NELL1: variants seen among roughly 807,000 people sequenced by gnomAD.
NELL1 encodes neural EGFL like 1.
A neutral mutation model predicts 107.4 loss-of-function variants in NELL1; 76 were observed. The ratio of observed to expected loss-of-function variants is 0.71; its 90% confidence interval spans 0.59 to 0.86. The LOEUF (loss-of-function observed/expected upper bound fraction) is 0.86, where lower values mean the gene tolerates loss of function less well. NELL1 is among the 40% of genes least tolerant of loss of function. The pLI is 0.00. For synonymous variants in NELL1, 353 were observed against 341.2 expected (o/e 1.03, Z -0.38); for missense variants, 1,024 against 1,005.5 (o/e 1.02, Z -0.25).
chr11:20,942,973 G>C (rs937371304), intron 10 of NELL1, among the ~76,000 whole-genome samples: 4 of 151,962 alleles, frequency 2.6e-5, no homozygotes, highest in African/African-American at 9.7e-5. Flanking sequence ...GCATGGATTT[G>C]AATGCCAGCT....
chr11:20,751,853 C>G (rs1856148491), intron 2 of NELL1, among the ~76,000 whole-genome samples: 1 of 152,010 alleles, frequency 6.6e-6, no homozygotes, highest in South Asian at 2.1e-4. Context: ...TTACACTTAA[C>G]TTTCATTTTT....
At position 21,092,164 on chromosome 11, in the gene NELL1, G is replaced by A. The variant is rs879583845; in HGVS notation, c.1301-21425G>A. On this transcript the variant is annotated intron_variant, in intron 12 of 19. Coordinates refer to ENST00000357134, the MANE Select transcript of NELL1 (RefSeq NM_006157.5). ...CAAATCTGTCAATAGGACTCAGTAA[G>A]TAGTTCAGGATTTTGGTCAATAGCA... Among the ~76,000 whole-genome samples, 4 of 152,154 alleles carry A rather than the reference G, an allele frequency of 2.6e-5. No homozygotes were observed. In the East Asian group the frequency reaches 5.8e-4, roughly 22 times the overall value.
At chr11:21,527,814 A>T (rs930295177) in intron 15 of NELL1, among the ~76,000 whole-genome samples, 1 of 152,180 alleles carries the variant, frequency 6.6e-6, no homozygotes, top group Non-Finnish European at 1.5e-5. Flanking sequence ...CCAGCACAGG[A>T]GAAAGATGGA....
At chr11:20,779,943 A>T (rs1026792263) in intron 2 of NELL1, among the ~76,000 whole-genome samples, 1 of 152,232 alleles carries the variant, frequency 6.6e-6, no homozygotes, top group Non-Finnish European at 1.5e-5. Context: ...AGTCCTTTGA[A>T]ACCTGTCCAG....
intron 5 of NELL1, among the ~76,000 whole-genome samples, chr11:20,902,102 A>G (rs888774981): frequency 3.9e-5 from 6 of 152,052 alleles, no homozygotes; most frequent in Non-Finnish European, 8.8e-5. Flanking sequence ...GATCTCAGTC[A>G]GGATAGAGAA....
At chr11:21,224,732 T>C (rs1857849539) in intron 13 of NELL1, among the ~76,000 whole-genome samples, 1 of 152,222 alleles carries the variant, frequency 6.6e-6, no homozygotes, top group African/African-American at 2.4e-5. Context: ...TGAACTAGCC[T>C]ATTATTGACA....
chr11:21,337,772 CTTT>C (rs1406018940), intron 14 of NELL1, among the ~76,000 whole-genome samples: 61 of 141,356 alleles, frequency 4.3e-4, no homozygotes, highest in South Asian at 1.2e-3. Flanking sequence ...TTCTTTCTTT[CTTT>C]CTTTCTTTCT....
chr11:20,855,032 T>C (rs1386207696), intron 4 of NELL1, among the ~76,000 whole-genome samples: 2 of 152,244 alleles, frequency 1.3e-5, no homozygotes, highest in Non-Finnish European at 2.9e-5. Flanking sequence ...CATTCTGACT[T>C]AGCCCCCACA....
At chr11:21,329,642 T>C (rs1168772874) in intron 14 of NELL1, among the ~76,000 whole-genome samples, 1 of 152,174 alleles carries the variant, frequency 6.6e-6, no homozygotes, top group Admixed American at 6.5e-5. Context: ...AGTATACATA[T>C]AAGCCTTTTT....
At chr11:21,271,288 A>G (rs1375920111) in intron 14 of NELL1, among the ~76,000 whole-genome samples, 1 of 152,210 alleles carries the variant, frequency 6.6e-6, no homozygotes, top group African/African-American at 2.4e-5. Flanking sequence ...CACTAATATC[A>G]GTAATGAAAA....
chr11:21,312,320 G>C (rs79608234), intron 14 of NELL1, among the ~76,000 whole-genome samples: 2,832 of 148,870 alleles, frequency 0.019, 90 homozygotes, highest in African/African-American at 0.067. Flanking sequence ...CTATTCCAGT[G>C]TATGATGGCT....
intron 13 of NELL1, among the ~76,000 whole-genome samples, chr11:21,139,510 TCCA>T (rs1235703210): frequency 1.3e-5 from 2 of 152,198 alleles, no homozygotes; most frequent in East Asian, 3.9e-4. Flanking sequence ...CTTATCACTA[TCCA>T]CCACATTACA....
intron 3 of NELL1, among the ~76,000 whole-genome samples, chr11:20,810,722 G>A (rs953479996): frequency 3.3e-5 from 5 of 151,942 alleles, no homozygotes; most frequent in Non-Finnish European, 5.9e-5. Context: ...TTTTCCTCTG[G>A]GTAGATACCC....
At chr11:21,145,721 T>G (rs1170730443) in intron 13 of NELL1, among the ~76,000 whole-genome samples, 4 of 152,242 alleles carry the variant, frequency 2.6e-5, no homozygotes, top group Non-Finnish European at 4.4e-5. Context: ...TCCTTAACCT[T>G]TATAGTGAAA....
At chr11:20,752,777 A>ATAAC (rs769350574) in intron 2 of NELL1, among the ~76,000 whole-genome samples, 1 of 152,238 alleles carries the variant, frequency 6.6e-6, no homozygotes, top group African/African-American at 2.4e-5. Context: ...AAATAAAGTT[A>ATAAC]TAACTGGTGA....
chr11:21,067,165 G>A (rs1245825512), intron 12 of NELL1, among the ~76,000 whole-genome samples: 1 of 151,892 alleles, frequency 6.6e-6, no homozygotes, highest in Non-Finnish European at 1.5e-5. Context: ...TATTATTTTT[G>A]TGCTTCATTT....
At chr11:20,700,754 C>G (rs926004156) in intron 2 of NELL1, among the ~76,000 whole-genome samples, 6 of 151,866 alleles carry the variant, frequency 4.0e-5, no homozygotes, top group Admixed American at 3.9e-4. Flanking sequence ...TAAGAACATG[C>G]GGTGTTTGGT....
At chr11:21,237,303 G>A (rs1213228725) in intron 14 of NELL1, among the ~76,000 whole-genome samples, 1 of 152,056 alleles carries the variant, frequency 6.6e-6, no homozygotes, top group Non-Finnish European at 1.5e-5. Flanking sequence ...GTTCTGTATA[G>A]TACCCCGGGC....
At chr11:21,356,682 TG>T (rs557325511) in intron 14 of NELL1, among the ~76,000 whole-genome samples, 1 of 152,262 alleles carries the variant, frequency 6.6e-6, no homozygotes, top group Non-Finnish European at 1.5e-5. Context: ...AAATAGTTTT[TG>T]GGGAACAGGG....
Sources: allele counts gnomAD v4.1 joint callset (sites outside exome capture counted in the v4.1 genomes callset), GRCh38; gene constraint gnomAD v4.1.1; transcripts MANE v1.5; gene names NCBI Gene and HGNC (gene_info 2026-07-23, HGNC 2026-07-21).